Variants in FAT1 observed in about 807,000 individuals in gnomAD.
FAT1 encodes the protein protocadherin Fat 1.
In FAT1, 171 loss-of-function variants were observed where a neutral mutation model predicts 329.8. The observed-to-expected ratio is 0.52, with a 90% CI of 0.46 to 0.59. FAT1 has a LOEUF of 0.59. Ranked by LOEUF, FAT1 falls within the 20% of genes least tolerant of loss-of-function variation. The pLI is 0.00. For missense variants in FAT1, 5,672 were observed against 5,774.4 expected (o/e 0.98, Z 0.57); for synonymous variants, 2,233 against 2,228.6 (o/e 1.00, Z -0.06).
At chr4:186,664,966 G>A (rs904523633) in intron 2 of FAT1, among the ~76,000 whole-genome samples, 12 of 152,210 alleles carry the variant, frequency 7.9e-5, no homozygotes, top group East Asian at 7.7e-4. Context: ...TTGATCACAC[G>A]AAATTAAATA....
At position 186,672,389 on chromosome 4, in the gene FAT1, A is replaced by G. The variant is rs747434046; in HGVS notation, c.3266-8776T>C. Among the ~76,000 whole-genome samples, 188 of 152,340 alleles carry G rather than the reference A, an allele frequency of 1.2e-3. 3 individuals are homozygous for G. The highest frequency in any genetic ancestry group is 3.2e-4 in the Non-Finnish European group (22 of 68,032). ...CAGGTGCCTCTCTGCCCCCTTACAG[A>G]TAAAAATACAGTAAATCATGTATAA... On this transcript the variant is annotated intron_variant, in intron 2 of 26. Coordinates refer to ENST00000441802, the MANE Select transcript of FAT1 (RefSeq NM_005245.4).
chr4:186,692,451 T>C (rs1176153652), intron 2 of FAT1, among the ~76,000 whole-genome samples: 1 of 152,164 alleles, frequency 6.6e-6, no homozygotes, highest in Non-Finnish European at 1.5e-5. Context: ...TAGCTGGGAC[T>C]ACAGGCGCCC....
At chr4:186,659,155 G>A (rs565941491) in intron 3 of FAT1, among the ~76,000 whole-genome samples, 2 of 152,264 alleles carry the variant, frequency 1.3e-5, no homozygotes, top group South Asian at 2.1e-4. Context: ...ACAGGATCAC[G>A]GCATACAGGT....
chr4:186,659,967 C>T lies in FAT1; in HGVS notation c.3580+3332G>A, dbSNP rs578199641. On this transcript the variant is annotated intron_variant, in intron 3 of 26. Transcript: ENST00000441802. ...TGGGCGCTCCTGCACTCTACACACACGAGCCTCAACAGGGGACAGAAACAC... is the reference window on the plus strand; with the variant it reads ...TGGGCGCTCCTGCACTCTACACACATGAGCCTCAACAGGGGACAGAAACAC... Among the ~76,000 whole-genome samples the T allele has an allele frequency of 5.3e-5, 8 of 152,332 alleles. No homozygotes were observed. In the East Asian group the frequency reaches 7.7e-4, roughly 15 times the overall value.
At position 186,628,069 on chromosome 4, in the gene FAT1, C is replaced by T. The variant is rs898869448; in HGVS notation, c.4810+85G>A. ...TTTTTGCAGATACATAGAAATGCTT[C>T]AATACCCAGAACTGATTTTGGAAAA... On this transcript the variant is annotated intron_variant, in intron 9 of 26. Transcript: ENST00000441802. 1.1e-5 allele frequency: 15 copies of T among 1,413,368 alleles called. No homozygotes were observed. The South Asian group carries it at 1.9e-4, about 18-fold the overall frequency. 87.6% of individuals were successfully genotyped at this position (1,413,368 alleles called of 1,614,324 possible).
chr4:186,713,789 G>T (rs901383708), intron 1 of FAT1, among the ~76,000 whole-genome samples: 1 of 152,128 alleles, frequency 6.6e-6, no homozygotes, highest in Non-Finnish European at 1.5e-5. Flanking sequence ...GGGACTATAG[G>T]TGCGTCTGTA....
At position 186,621,603 on chromosome 4, in the gene FAT1, G is replaced by A; in HGVS notation, c.4983C>T (p.Asp1661=). Reference sequence around the variant, plus strand: ...TTGATGTAAACTTCGGAGAGGCGTTGTCAGCAATTGTGACAAAGATACGCA... The same window carrying A: ...TTGATGTAAACTTCGGAGAGGCGTTATCAGCAATTGTGACAAAGATACGCA... ...TSVRIFVTIA[D]NASPKFTSKE... The change falls in exon 10 of 27, where the codon GAC becomes GAT. Residue 1661 remains aspartate (D), a synonymous_variant. Transcript: ENST00000441802. The A allele has an allele frequency of 6.2e-7, 1 of 1,614,024 alleles. No homozygotes were observed. Among genetic ancestry groups the A allele is most frequent in the East Asian group, 2.2e-5 (1 of 44,880 alleles).
chr4:186,709,930 A>T, intron 1 of FAT1, 85 bp from the exon 2 acceptor site: 1 of 1,278,018 alleles, frequency 7.8e-7, no homozygotes, highest in Non-Finnish European at 1.0e-6. Flanking sequence ...CTCATTAAAA[A>T]AATATTTTCC....
At chr4:186,612,997 A>T (rs1739523407) in intron 13 of FAT1, 112 bp downstream of exon 13, 1 of 656,188 alleles carries the variant, frequency 1.5e-6, no homozygotes, top group Admixed American at 2.5e-5. Context: ...AGGGCTATGG[A>T]ACATGCATGA....
rs1744549671 is a variant in FAT1 at position 186,705,646 on chromosome 4, C to T, written c.3265+917G>A. Among the ~76,000 whole-genome samples, 3 of 152,160 alleles carry T rather than the reference C, an allele frequency of 2.0e-5. No individual in the cohort carries two copies. The South Asian group carries it at 6.2e-4, about 32-fold the overall frequency. ...GTGCTAAACACAGAAGATGCAGGGG[C>T]TAAAAGCCTGCCCCGAAAGGCTCAC... On this transcript the variant is annotated intron_variant, in intron 2 of 26. Transcript: ENST00000441802.
chr4:186,680,203 T>C (rs1444958666), intron 2 of FAT1, among the ~76,000 whole-genome samples: 2 of 152,204 alleles, frequency 1.3e-5, no homozygotes, highest in Non-Finnish European at 2.9e-5. Context: ...CTTTAATTAT[T>C]GTCCTTAAAA....
chr4:186,659,841 C>T (rs968753265), intron 3 of FAT1, among the ~76,000 whole-genome samples: 2 of 149,040 alleles, frequency 1.3e-5, no homozygotes, highest in African/African-American at 5.0e-5. Flanking sequence ...CTGCACTCTA[C>T]ACACACAAGC....
intron 2 of FAT1, among the ~76,000 whole-genome samples, chr4:186,686,038 C>T (rs1351434334): frequency 6.6e-6 from 1 of 152,154 alleles, no homozygotes; most frequent in African/African-American, 2.4e-5. Context: ...TATGGGCAGT[C>T]AGCAAATAAA....
rs1436663147 is a variant in FAT1, at chr4:186,708,258, T to A, written c.1570A>T (p.Asn524Tyr). ...HFTGAVSTSE[N>Y]LDYELMPRVY... ...CGAGGCATCAGTTCGTAGTCCAGGT[T>A]TTCTGACGTACTCACGGCACCAGTG... Residue 524 changes from asparagine to tyrosine, a missense_variant, in exon 2 of 27, where the codon AAC (asparagine) becomes TAC (tyrosine). Asn to Tyr is a moderately radical substitution (Grantham distance 143). This residue lies in a region of FAT1 where 3,966 missense variants were observed against 3,915.2 expected (regional missense o/e 1.01). Coordinates refer to ENST00000441802, the MANE Select transcript of FAT1 (RefSeq NM_005245.4). 1.2e-6 allele frequency: 2 copies of A among 1,614,014 alleles called. No homozygotes were observed. Among genetic ancestry groups the A allele is most frequent in the Non-Finnish European group, 1.7e-6 (2 of 1,179,898 alleles).
At position 186,723,746 on chromosome 4, in the gene FAT1, T is replaced by TGCCGGGGCCCTCGCCGGGCTC. The variant is rs1397766077; in HGVS notation, c.-122_-102dup. 23 of 150,710 alleles carry TGCCGGGGCCCTCGCCGGGCTC rather than the reference T, an allele frequency of 1.5e-4. No homozygotes were observed. Among genetic ancestry groups the TGCCGGGGCCCTCGCCGGGCTC allele is most frequent in the Admixed American group, 1.5e-3 (23 of 15,180 alleles). The allele number at this position is 150,710 out of a possible 1,614,324, so 9.3% of individuals were successfully genotyped here. A position where few individuals can be genotyped will look rare whatever the true frequency, so the allele number is the denominator to read the frequency against. ...CGCGCCCCCGAGCAGGGACCGGGCC[T>TGCCGGGGCCCTCGCCGGGCTC]GCCGGGGCCCTCGCCGGGCTCGCGC... On this transcript the variant is annotated 5_prime_UTR_variant, in exon 1 of 27. Coordinates refer to ENST00000441802, the MANE Select transcript of FAT1 (RefSeq NM_005245.4).
At position 186,596,642 on chromosome 4, in the gene FAT1, C is replaced by T. The variant is rs769509445; in HGVS notation, c.12898G>A (p.Ala4300Thr). ...ESVHGHRKAV[A>T]VCSVAPNLPP... is the part of the protein sequence containing the mutation. Reference sequence around the variant, plus strand: ...AGGTTTGGCGCCACGCTGCAGACCGCCACTGCTTTTCGGTGCCCGTGCACA... The same window carrying T: ...AGGTTTGGCGCCACGCTGCAGACCGTCACTGCTTTTCGGTGCCCGTGCACA... The change falls in exon 25 of 27, where the codon GCG becomes ACG. Residue 4300 changes from alanine to threonine, a missense_variant. Physicochemically the swap from Ala to Thr is moderately conservative, Grantham distance 58. Around this residue, in one of 2 missense-constraint regions of FAT1, gnomAD observed 1,706 missense variants for 1,859.1 expected, o/e 0.92. Coordinates refer to ENST00000441802, the MANE Select transcript of FAT1 (RefSeq NM_005245.4). This position sits in a 1 kb window ranked among gnomAD's most constrained non-coding sequence, Gnocchi z 4.7. 1.2e-6 allele frequency: 2 copies of T among 1,610,816 alleles called. No homozygotes were observed. The highest frequency in any genetic ancestry group is 1.7e-6 in the Non-Finnish European group (2 of 1,178,324).
chr4:186,680,335 A>T (rs1306235623), intron 2 of FAT1, among the ~76,000 whole-genome samples: 1 of 152,234 alleles, frequency 6.6e-6, no homozygotes, highest in African/African-American at 2.4e-5. Context: ...AAACTAACAA[A>T]TTCCAGTAAT....
chr4:186,616,648 A>G (rs1463178249), intron 11 of FAT1, among the ~76,000 whole-genome samples: 1 of 152,030 alleles, frequency 6.6e-6, no homozygotes, highest in Non-Finnish European at 1.5e-5. Context: ...TGCCCCCAAA[A>G]CAGTGTCTCA....
At chr4:186,655,904 T>A (rs2126603821) in intron 3 of FAT1, among the ~76,000 whole-genome samples, 1 of 152,350 alleles carries the variant, frequency 6.6e-6, no homozygotes, top group African/African-American at 2.4e-5. Context: ...TAAGTAGATT[T>A]TATTATTCAG....
Sources: allele counts gnomAD v4.1 joint callset (sites outside exome capture counted in the v4.1 genomes callset), GRCh38; gene constraint gnomAD v4.1.1; regional missense constraint gnomAD v4.1.1; non-coding constraint Gnocchi (gnomAD v3.1); transcripts MANE v1.5; gene names NCBI Gene and HGNC (gene_info 2026-07-23, HGNC 2026-07-21).